Variants in GRM3 observed in about 807,000 individuals in gnomAD.
GRM3 encodes the protein glutamate metabotropic receptor 3.
GRM3 carries 26 observed loss-of-function variants against 70.5 expected under a neutral mutation model. That is an observed-to-expected ratio of 0.37 (90% CI 0.27 to 0.51). The LOEUF (loss-of-function observed/expected upper bound fraction) is 0.51, where lower values mean the gene tolerates loss of function less well. GRM3 is among the 20% of genes least tolerant of loss of function. The probability of loss-of-function intolerance (pLI) is 0.93; values close to 1 mark genes in which losing one functional copy is unlikely to be tolerated. For missense variants in GRM3, 859 were observed against 1,123.8 expected, an observed-to-expected ratio of 0.76 and a Z score of 3.37; for synonymous variants, 443 against 434.9, an observed-to-expected ratio of 1.02 and a Z score of -0.23.
intron 1 of GRM3, among the ~76,000 whole-genome samples, chr7:86,701,216 T>C (rs183077794): frequency 6.6e-6 from 1 of 152,016 alleles, no homozygotes; most frequent in Admixed American, 6.6e-5. Context: ...ATATATTGAA[T>C]ATCATGCATG....
intron 1 of GRM3, among the ~76,000 whole-genome samples, chr7:86,741,567 C>G (rs955519184): frequency 6.6e-6 from 1 of 152,088 alleles, no homozygotes; most frequent in Non-Finnish European, 1.5e-5. Flanking sequence ...GAGCTGAGTG[C>G]CAGTTTCAGC....
chr7:86,669,806 C>T (rs1794125762), intron 1 of GRM3, among the ~76,000 whole-genome samples: 2 of 152,138 alleles, frequency 1.3e-5, no homozygotes, highest in South Asian at 2.1e-4. Context: ...TATGATTAAG[C>T]TTAAGAACAG....
chr7:86,668,291 G>A (rs1026723401), intron 1 of GRM3, among the ~76,000 whole-genome samples: 1 of 151,518 alleles, frequency 6.6e-6, no homozygotes, highest in Non-Finnish European at 1.5e-5. Context: ...TGTTATTTAG[G>A]CCATCATTAT....
At chr7:86,743,273 T>G (rs1373269163) in intron 1 of GRM3, among the ~76,000 whole-genome samples, 1 of 152,108 alleles carries the variant, frequency 6.6e-6, no homozygotes, top group Non-Finnish European at 1.5e-5. Context: ...AAACTTGCAA[T>G]AAGGACTTTT....
At chr7:86,649,150 C>T (rs1315772457) in intron 1 of GRM3, among the ~76,000 whole-genome samples, 1 of 152,110 alleles carries the variant, frequency 6.6e-6, no homozygotes, top group Non-Finnish European at 1.5e-5. Flanking sequence ...AATTTTTAAA[C>T]AAGTACTCTC....
rs144438978 is a variant in GRM3 at position 86,795,037 on chromosome 7, T to C, written c.1324+7921T>C. On this transcript the variant is annotated intron_variant, in intron 3 of 5. Transcript: ENST00000361669. ...TCTAAGATTGCCATTAATATTAACC[T>C]ACTACTTGTCCATTCATTCTCCCTA... Among the ~76,000 whole-genome samples, 312 of 152,048 alleles carry C rather than the reference T, an allele frequency of 2.1e-3. 4 individuals are homozygous for C. Among genetic ancestry groups the C allele is most frequent in the African/African-American group, 7.0e-3 (290 of 41,522 alleles).
intron 3 of GRM3, among the ~76,000 whole-genome samples, chr7:86,787,685 A>G (rs1797295723): frequency 6.6e-6 from 1 of 152,220 alleles, no homozygotes; most frequent in Non-Finnish European, 1.5e-5. Context: ...AAACATTTAT[A>G]TATTATTAAT....
At chr7:86,737,589 C>T (rs1239604413) in intron 1 of GRM3, among the ~76,000 whole-genome samples, 1 of 152,194 alleles carries the variant, frequency 6.6e-6, no homozygotes. Context: ...TTATTAAACA[C>T]ATTAAATACC....
chr7:86,801,285 G>T lies in GRM3; in HGVS notation c.1324+14169G>T, dbSNP rs565540965. 2.0e-5 allele frequency among the ~76,000 whole-genome samples: 3 copies of T among 152,110 alleles called. No individual in the cohort carries two copies. The South Asian group carries it at 6.2e-4, about 32-fold the overall frequency. On this transcript the variant is annotated intron_variant, in intron 3 of 5. Coordinates refer to ENST00000361669, the MANE Select transcript of GRM3 (RefSeq NM_000840.3). The stretch of plus-strand genomic sequence containing the variant: ...GGGGTTTCACTATGTTGGCCAGGCT[G>T]ATCTTGAACTCCTGACCTCATGATC...
At chr7:86,754,038 T>C (rs1325251420) in intron 1 of GRM3, among the ~76,000 whole-genome samples, 1 of 152,130 alleles carries the variant, frequency 6.6e-6, no homozygotes, top group Non-Finnish European at 1.5e-5. Flanking sequence ...TGAAAAAATA[T>C]GTTCTAAGGT....
At chr7:86,697,750 G>T (rs966848627) in intron 1 of GRM3, among the ~76,000 whole-genome samples, 1 of 151,856 alleles carries the variant, frequency 6.6e-6, no homozygotes, top group Non-Finnish European at 1.5e-5. Context: ...GACTATTTAC[G>T]GTGTATTACA....
intron 3 of GRM3, among the ~76,000 whole-genome samples, chr7:86,829,890 G>C (rs756433258): frequency 3.9e-5 from 6 of 152,156 alleles, no homozygotes; most frequent in Non-Finnish European, 7.4e-5. Context: ...TCGATGCAGG[G>C]TTGCTACAAA....
chr7:86,837,417 A>C (rs1278015762), intron 3 of GRM3, among the ~76,000 whole-genome samples: 1 of 152,174 alleles, frequency 6.6e-6, no homozygotes, highest in Non-Finnish European at 1.5e-5. Flanking sequence ...GGGAGGCAAC[A>C]AAGACAGCCA....
intron 3 of GRM3, among the ~76,000 whole-genome samples, chr7:86,798,781 A>G (rs991832909): frequency 2.6e-5 from 4 of 152,202 alleles, no homozygotes; most frequent in Non-Finnish European, 1.5e-5. Context: ...CTCATCTTGA[A>G]TTGTAGCTCC....
At chr7:86,785,077 C>T (rs1004756990) in intron 2 of GRM3, among the ~76,000 whole-genome samples, 3 of 152,268 alleles carry the variant, frequency 2.0e-5, no homozygotes, top group African/African-American at 7.2e-5. Flanking sequence ...CAAATATAAA[C>T]GTGAAACCAC....
At chr7:86,682,463 T>C (rs1188151139) in intron 1 of GRM3, among the ~76,000 whole-genome samples, 2 of 152,198 alleles carry the variant, frequency 1.3e-5, no homozygotes, top group East Asian at 1.9e-4. Flanking sequence ...AGATTCATGT[T>C]AGAGCATACT....
chr7:86,699,606 C>T (rs758475859), intron 1 of GRM3, among the ~76,000 whole-genome samples: 3 of 152,028 alleles, frequency 2.0e-5, no homozygotes, highest in Non-Finnish European at 4.4e-5. Context: ...TTTGGTTTTC[C>T]ACATTTTGAA....
intron 1 of GRM3, among the ~76,000 whole-genome samples, chr7:86,741,856 G>A (rs184008560): frequency 6.6e-6 from 1 of 152,328 alleles, no homozygotes; most frequent in Admixed American, 6.5e-5. Flanking sequence ...ATAAAGAGCA[G>A]AGAATATATG....
intron 3 of GRM3, among the ~76,000 whole-genome samples, chr7:86,805,912 C>T (rs1032780833): frequency 4.7e-5 from 7 of 149,324 alleles, no homozygotes; most frequent in South Asian, 4.3e-4. Context: ...CCGCACCCCA[C>T]GACAGGCCCT....
Sources: gnomAD v4.1 joint callset for allele counts (sites outside exome capture counted in the v4.1 genomes callset) on GRCh38, gnomAD v4.1.1 for gene constraint, MANE v1.5 for transcripts, NCBI Gene and HGNC (gene_info 2026-07-23, HGNC 2026-07-21) for gene names.